The following DPH6 variants were observed in gnomAD, a reference collection of about 807,000 sequenced individuals.
DPH6 encodes the protein diphthamine biosynthesis 6, also known as diphthine--ammonia ligase.
A neutral mutation model predicts 38.2 loss-of-function variants in DPH6; 33 were observed. The observed-to-expected ratio is 0.86, with a 90% CI of 0.65 to 1.15. DPH6 has a LOEUF of 1.15. Ranked by LOEUF, DPH6 falls within the 50% of genes most tolerant of loss-of-function variation. The pLI, the probability that DPH6 is intolerant of heterozygous loss-of-function variation, is 0.00. For synonymous variants in DPH6, 108 were observed against 103.0 expected, an observed-to-expected ratio of 1.05 and a Z score of -0.30; for missense variants, 325 against 320.0, an observed-to-expected ratio of 1.02 and a Z score of -0.12.
At chr15:35,296,451 ACT>A (rs1172019757) in intron 3 of DPH6, among the ~76,000 whole-genome samples, 1 of 151,388 alleles carries the variant, frequency 6.6e-6, no homozygotes, top group Non-Finnish European at 1.5e-5. Context: ...TTACTATACC[ACT>A]CTCACTCCCA....
At chr15:35,254,783 TA>T (rs1257751679) in intron 3 of DPH6, among the ~76,000 whole-genome samples, 7 of 151,728 alleles carry the variant, frequency 4.6e-5, no homozygotes, top group East Asian at 1.9e-4. Context: ...CGAAGGGAGA[TA>T]GGGGTGGGGC....
At chr15:35,399,241 T>C (rs960250418) in intron 6 of DPH6, among the ~76,000 whole-genome samples, 3 of 152,044 alleles carry the variant, frequency 2.0e-5, no homozygotes, top group Non-Finnish European at 4.4e-5. Context: ...AAGGATGGGG[T>C]ATTATAGCTT....
chr15:35,241,008 T>G (rs571283332), intron 3 of DPH6, among the ~76,000 whole-genome samples: 55 of 131,092 alleles, frequency 4.2e-4, no homozygotes, highest in Non-Finnish European at 7.9e-4. Context: ...AGCGGCCAGG[T>G]GTTCCTCCAG....
At chr15:35,274,225 T>C (rs1320591246) in intron 3 of DPH6, among the ~76,000 whole-genome samples, 1 of 152,220 alleles carries the variant, frequency 6.6e-6, no homozygotes, top group Non-Finnish European at 1.5e-5. Flanking sequence ...ACTGGACCCC[T>C]TCCTTATACC....
At chr15:35,311,080 CA>C (rs1164885654) in intron 3 of DPH6, among the ~76,000 whole-genome samples, 130 of 134,170 alleles carry the variant, frequency 9.7e-4, no homozygotes, top group Middle Eastern at 3.8e-3. Context: ...ACAACAACAA[CA>C]AAAAAAAAAA....
intron 5 of DPH6, among the ~76,000 whole-genome samples, chr15:35,431,157 G>A (rs1238199555): frequency 1.3e-5 from 2 of 152,084 alleles, no homozygotes; most frequent in Non-Finnish European, 2.9e-5. Context: ...AACAGAAAAA[G>A]CGGCAAACGA....
intron 3 of DPH6, among the ~76,000 whole-genome samples, chr15:35,343,845 A>C (rs1040060535): frequency 6.6e-6 from 1 of 152,044 alleles, no homozygotes; most frequent in East Asian, 1.9e-4. Flanking sequence ...ATTAAAAATA[A>C]GGAAATATGA....
intron 3 of DPH6, among the ~76,000 whole-genome samples, chr15:35,254,906 A>G (rs1433223608): frequency 6.6e-6 from 1 of 152,202 alleles, no homozygotes; most frequent in African/African-American, 2.4e-5. Flanking sequence ...GAGAATTACA[A>G]AGAACCTTCT....
chr15:35,455,327 T>C (rs2053982726), intron 3 of DPH6, among the ~76,000 whole-genome samples: 1 of 152,130 alleles, frequency 6.6e-6, no homozygotes, highest in Non-Finnish European at 1.5e-5. Flanking sequence ...GATAACAGTA[T>C]AGCACTGTAG....
chr15:35,205,384 T>G, the DPH6 span, among the ~76,000 whole-genome samples: 4 of 152,020 alleles, frequency 2.6e-5, no homozygotes, highest in Admixed American at 6.6e-5. Flanking sequence ...TTGACCTAAC[T>G]CATACAGCAG....
chr15:35,162,273 A>G, the DPH6 span, among the ~76,000 whole-genome samples: 1 of 151,914 alleles, frequency 6.6e-6, no homozygotes, highest in African/African-American at 2.4e-5. Context: ...AGAAAATGCT[A>G]CTTTCCCTGC....
At chr15:35,232,200 G>C (rs1390422148) in intron 3 of DPH6, among the ~76,000 whole-genome samples, 1 of 152,166 alleles carries the variant, frequency 6.6e-6, no homozygotes, top group African/African-American at 2.4e-5. Context: ...GGATGAAAAA[G>C]AGTAGGTCAA....
chr15:35,167,531 T>C, the DPH6 span, among the ~76,000 whole-genome samples: 1 of 150,220 alleles, frequency 6.7e-6, no homozygotes, highest in Non-Finnish European at 1.5e-5. Flanking sequence ...TTGCAAATTA[T>C]ATGGTATTCT....
At chr15:35,276,599 T>C (rs1041612124) in intron 3 of DPH6, among the ~76,000 whole-genome samples, 1 of 152,232 alleles carries the variant, frequency 6.6e-6, no homozygotes, top group Non-Finnish European at 1.5e-5. Context: ...CCATATTGTG[T>C]TGATTTTTGT....
chr15:35,259,363 C>T (rs1170042307), intron 3 of DPH6, among the ~76,000 whole-genome samples: 1 of 152,132 alleles, frequency 6.6e-6, no homozygotes, highest in African/African-American at 2.4e-5. Flanking sequence ...ACAAGTATGA[C>T]TATGCATGTA....
chr15:35,356,895 G>A (rs2052565850), intron 3 of DPH6, among the ~76,000 whole-genome samples: 1 of 152,192 alleles, frequency 6.6e-6, no homozygotes, highest in South Asian at 2.1e-4. Flanking sequence ...AGTCTACAGA[G>A]CCAGGCAGGC....
At chr15:35,521,096 A>G (rs1311372868) in intron 3 of DPH6, 27 of 985,154 alleles carry the variant, frequency 2.7e-5, no homozygotes, top group Non-Finnish European at 3.3e-5. Context: ...TTTTCAGCCA[A>G]TAAAAGTCAA....
chr15:35,514,175 T>C (rs2141222287), intron 3 of DPH6, among the ~76,000 whole-genome samples: 1 of 121,312 alleles, frequency 8.2e-6, no homozygotes, highest in Middle Eastern at 4.3e-3. Context: ...TATAACTATG[T>C]AAATAAAATC....
At position 35,221,527 on chromosome 15, in the gene DPH6, C is replaced by A. The variant is rs74414841; in HGVS notation, n.201-945G>T. Among the ~76,000 whole-genome samples, 558 of 152,306 alleles carry A rather than the reference C, an allele frequency of 3.7e-3. 3 individuals are homozygous for A. Among genetic ancestry groups the A allele is most frequent in the African/African-American group, 0.013 (531 of 41,564 alleles). On this transcript the variant is annotated intron_variant and non_coding_transcript_variant, in intron 3 of 3. Transcript: ENST00000560386. ...GCACTCTGTGTCTGCAGAGTTATCA[C>A]CATGTGGACCATTATGGGTCTGTAT...
Sources: allele counts gnomAD v4.1 joint callset (sites outside exome capture counted in the v4.1 genomes callset), GRCh38; gene constraint gnomAD v4.1.1; transcripts MANE v1.5; gene names NCBI Gene and HGNC (gene_info 2026-07-23, HGNC 2026-07-21).